The following ZSWIM6 variants were observed in gnomAD, a reference collection of about 807,000 sequenced individuals.
ZSWIM6 encodes zinc finger SWIM domain-containing protein 6.
ZSWIM6 carries 9 observed loss-of-function variants against 113.2 expected under a neutral mutation model. The observed-to-expected ratio is 0.08, with a 90% CI of 0.05 to 0.14. ZSWIM6 has a LOEUF of 0.14. ZSWIM6 is among the 10% of genes least tolerant of loss of function. The pLI is 1.00. For synonymous variants in ZSWIM6, 611 were observed against 606.5 expected, an observed-to-expected ratio of 1.01 and a Z score of -0.11; for missense variants, 1,162 against 1,552.2, an observed-to-expected ratio of 0.75 and a Z score of 4.22.
chr5:61,407,262 A>G (rs934663075), intron 1 of ZSWIM6, among the ~76,000 whole-genome samples: 2 of 152,248 alleles, frequency 1.3e-5, no homozygotes, highest in Non-Finnish European at 2.9e-5. Context: ...TAGGTTATTC[A>G]ATTTGTGTTG....
intron 1 of ZSWIM6, among the ~76,000 whole-genome samples, chr5:61,337,074 G>T (rs985686444): frequency 6.6e-6 from 1 of 151,944 alleles, no homozygotes; most frequent in South Asian, 2.1e-4. Context: ...TGAGGTCAGG[G>T]GTTAGAGACC....
At chr5:61,463,957 C>G (rs1416660452) in intron 1 of ZSWIM6, among the ~76,000 whole-genome samples, 1 of 151,942 alleles carries the variant, frequency 6.6e-6, no homozygotes, top group Non-Finnish European at 1.5e-5. Context: ...ACTCAAGTGT[C>G]TGGATCTGTT....
chr5:61,438,024 T>C (rs1746746712), intron 1 of ZSWIM6, among the ~76,000 whole-genome samples: 1 of 152,154 alleles, frequency 6.6e-6, no homozygotes, highest in Non-Finnish European at 1.5e-5. Context: ...CTGCTGAGTA[T>C]GAAGGTTCAT....
chr5:61,495,787 G>GTAT (rs1748299356), intron 4 of ZSWIM6, among the ~76,000 whole-genome samples: 1 of 152,002 alleles, frequency 6.6e-6, no homozygotes, highest in Non-Finnish European at 1.5e-5. Flanking sequence ...CTCTAGTATA[G>GTAT]ACTTGATTGG....
chr5:61,390,604 ATT>A, intron 1 of ZSWIM6: 3 of 605,570 alleles, frequency 5.0e-6, no homozygotes, highest in Non-Finnish European at 6.1e-6. Context: ...CAAAAATGGT[ATT>A]TTTTTTTTCC....
intron 1 of ZSWIM6, among the ~76,000 whole-genome samples, chr5:61,444,765 C>G (rs1746914575): frequency 6.6e-6 from 1 of 152,238 alleles, no homozygotes; most frequent in South Asian, 2.1e-4. Context: ...ATCTCAAGTA[C>G]CCACCTCTTC....
intron 4 of ZSWIM6, among the ~76,000 whole-genome samples, chr5:61,510,462 A>G (rs1399993105): frequency 6.6e-6 from 1 of 151,036 alleles, no homozygotes; most frequent in Non-Finnish European, 1.5e-5. Context: ...GTTTAAGACC[A>G]CTAAGTGGAT....
chr5:61,338,671 A>G (rs968926083), intron 1 of ZSWIM6, among the ~76,000 whole-genome samples: 1 of 152,266 alleles, frequency 6.6e-6, no homozygotes, highest in Admixed American at 6.5e-5. Context: ...TTCAAGAGAC[A>G]GTGACAATAA....
intron 1 of ZSWIM6, among the ~76,000 whole-genome samples, chr5:61,337,345 A>T (rs912798944): frequency 1.3e-5 from 2 of 152,216 alleles, no homozygotes; most frequent in African/African-American, 4.8e-5. Context: ...ATTTTCTTCT[A>T]CCACATTGGT....
At chr5:61,539,047 C>G (rs1749658737) in intron 11 of ZSWIM6, 76 bp downstream of exon 11, 27 of 1,413,286 alleles carry the variant, frequency 1.9e-5, no homozygotes, top group Non-Finnish European at 2.4e-5. Flanking sequence ...TGTTTTCTAT[C>G]AAATTCTCAG....
chr5:61,494,313 G>A lies in ZSWIM6; in HGVS notation c.1236G>A (p.Leu412=). ...RDSNGARMLT[L]ITEQFMADPR... ...CCAATGGGGCCCGCATGTTGACCTT[G>A]ATAACAGAGCAATTCATGGCTGACC... The change falls in exon 4 of 14, where the codon TTG becomes TTA. Residue 412 remains leucine, a synonymous_variant. Coordinates refer to ENST00000252744, the MANE Select transcript of ZSWIM6 (RefSeq NM_020928.2). 1 of 1,551,132 alleles carries A rather than the reference G, an allele frequency of 6.4e-7. No homozygotes were observed. Among genetic ancestry groups the A allele is most frequent in the African/African-American group, 1.4e-5 (1 of 73,112 alleles).
At chr5:61,474,352 G>C (rs1419133812) in intron 2 of ZSWIM6, among the ~76,000 whole-genome samples, 1 of 152,088 alleles carries the variant, frequency 6.6e-6, no homozygotes, top group African/African-American at 2.4e-5. Context: ...CTGTCTAATA[G>C]AAATATAACA....
intron 1 of ZSWIM6, among the ~76,000 whole-genome samples, chr5:61,442,628 C>T (rs1746864557): frequency 2.0e-5 from 3 of 152,188 alleles, no homozygotes; most frequent in Admixed American, 6.5e-5. Context: ...TACACAGGCT[C>T]TCCTAAATTG....
intron 1 of ZSWIM6, among the ~76,000 whole-genome samples, chr5:61,456,812 T>C (rs1364924122): frequency 6.6e-6 from 1 of 152,228 alleles, no homozygotes; most frequent in East Asian, 1.9e-4. Flanking sequence ...TCTTCTATCA[T>C]ATTTTACAGT....
In ZSWIM6 at chr5:61,531,671, T is replaced by C. The variant is rs1024851576; in HGVS notation, c.2191T>C (p.Leu731=). 1.8e-5 allele frequency: 28 copies of C among 1,551,602 alleles called. No individual in the cohort carries two copies. The highest frequency in any genetic ancestry group is 2.7e-5 in the African/African-American group (2 of 73,046). The part of the protein sequence containing the change: ...QLISKLQEIE[L]DDTLVKIFRK... ...CATTTCTAAGCTTCAGGAAATTGAA[T>C]TGGATGACACACTGGTGAAAATTTT... is the stretch of plus-strand genomic sequence containing the variant. Residue 731 remains leucine (L), a synonymous_variant, in exon 9 of 14, where the codon TTG becomes CTG. Coordinates refer to ENST00000252744, the MANE Select transcript of ZSWIM6 (RefSeq NM_020928.2).
chr5:61,457,392 G>A (rs1310967572), intron 1 of ZSWIM6, among the ~76,000 whole-genome samples: 1 of 151,984 alleles, frequency 6.6e-6, no homozygotes, highest in African/African-American at 2.4e-5. Context: ...TTTTCATTTT[G>A]TTGTTTTTGT....
At chr5:61,463,175 G>C (rs1336526564) in intron 1 of ZSWIM6, among the ~76,000 whole-genome samples, 1 of 152,140 alleles carries the variant, frequency 6.6e-6, no homozygotes, top group Non-Finnish European at 1.5e-5. Context: ...TTACTGAAAA[G>C]ATGATCTAGC....
Position 61,536,195 on chromosome 5 carries a change from A to G in ZSWIM6, c.2381+576A>G, listed in dbSNP as rs148170538. 1.8e-3 allele frequency among the ~76,000 whole-genome samples: 280 copies of G among 152,200 alleles called. 1 individual carries two copies. Among genetic ancestry groups the G allele is most frequent in the African/African-American group, 5.8e-3 (240 of 41,514 alleles). ...CTCTTCTGACTGCTTCCATCTCCTCATCGGTCTCTCCTTTTCAGCAATAAC... is the reference window on the plus strand; with the variant it reads ...CTCTTCTGACTGCTTCCATCTCCTCGTCGGTCTCTCCTTTTCAGCAATAAC... On this transcript the variant is annotated intron_variant, in intron 10 of 13. Transcript: ENST00000252744.
At chr5:61,354,614 A>G (rs1744860422) in intron 1 of ZSWIM6, among the ~76,000 whole-genome samples, 1 of 152,234 alleles carries the variant, frequency 6.6e-6, no homozygotes, top group Non-Finnish European at 1.5e-5. Context: ...ACTTTCTGGT[A>G]AGCGAAGGAA....
Sources: allele counts gnomAD v4.1 joint callset (sites outside exome capture counted in the v4.1 genomes callset), GRCh38; gene constraint gnomAD v4.1.1; transcripts MANE v1.5; gene names NCBI Gene and HGNC (gene_info 2026-07-23, HGNC 2026-07-21).